CCDC6: variants seen among roughly 807,000 people sequenced by gnomAD.
CCDC6 encodes the protein coiled-coil domain-containing protein 6.
In CCDC6, 20 loss-of-function variants were observed where a neutral mutation model predicts 56.6. That is an observed-to-expected ratio of 0.35 (90% CI 0.25 to 0.51). The LOEUF (loss-of-function observed/expected upper bound fraction) is 0.51. CCDC6 is among the 20% of genes least tolerant of loss of function. CCDC6 has a pLI of 0.95. For missense variants in CCDC6, 367 were observed against 601.1 expected (o/e 0.61, Z 4.07); for synonymous variants, 241 against 234.4 (o/e 1.03, Z -0.26).
chr10:59,856,312 A>G (rs1261448541), intron 1 of CCDC6, among the ~76,000 whole-genome samples: 1 of 151,228 alleles, frequency 6.6e-6, no homozygotes, highest in South Asian at 2.1e-4. Flanking sequence ...ACGAGTACAA[A>G]GGGCAAAATG....
intron 7 of CCDC6, among the ~76,000 whole-genome samples, chr10:59,802,704 C>T (rs1218030910): frequency 6.6e-6 from 1 of 152,182 alleles, no homozygotes; most frequent in Non-Finnish European, 1.5e-5. Context: ...GTAGGTCCCA[C>T]TATGGGAACA....
At chr10:59,852,976 A>G (rs1211957607) in intron 1 of CCDC6, among the ~76,000 whole-genome samples, 1 of 152,230 alleles carries the variant, frequency 6.6e-6, no homozygotes, top group Non-Finnish European at 1.5e-5. Flanking sequence ...AGCCAAGATC[A>G]CATTGCAGTT....
chr10:59,792,935 G>A lies in CCDC6; in HGVS notation c.1407C>T (p.His469=). 1 of 1,610,040 alleles carries A rather than the reference G, an allele frequency of 6.2e-7. No homozygotes were observed. Among genetic ancestry groups the A allele is most frequent in the Non-Finnish European group, 8.5e-7 (1 of 1,177,836 alleles). The change falls in exon 9 of 9, where the codon CAC becomes CAT. Residue 469 remains histidine (H), a synonymous_variant. Transcript: ENST00000263102. ...SQPTPSQHSA[H]PSSQP is the part of the protein sequence containing the mutation. The stretch of plus-strand genomic sequence containing the variant: ...TCATGCATTAAGGCTGGGAGGAGGG[G>A]TGCGCCGAATGTTGCGAAGGAGTAG...
intron 2 of CCDC6, among the ~76,000 whole-genome samples, chr10:59,850,513 C>A (rs2132655325): frequency 6.6e-6 from 1 of 152,288 alleles, no homozygotes; most frequent in East Asian, 1.9e-4. Flanking sequence ...CAGAATCACA[C>A]CTTCATACTA....
intron 3 of CCDC6, among the ~76,000 whole-genome samples, chr10:59,818,238 T>C (rs1261910901): frequency 6.6e-6 from 1 of 151,994 alleles, no homozygotes; most frequent in Non-Finnish European, 1.5e-5. Context: ...ACAGACGAGA[T>C]CAGGAAACAT....
In CCDC6 at chr10:59,790,967, C is replaced by G. The variant is rs921937639; in HGVS notation, c.*1950G>C. On this transcript the variant is annotated 3_prime_UTR_variant, in exon 9 of 9. Coordinates refer to ENST00000263102, the MANE Select transcript of CCDC6 (RefSeq NM_005436.5). ...ATAAAAGATTCTTATAAACATATAC[C>G]ATATTTCTCCTATAAGAAAAACTGA... is the stretch of plus-strand genomic sequence containing the variant. The G allele has an allele frequency of 3.5e-5, 7 of 202,604 alleles. No homozygotes were observed. The highest frequency in any genetic ancestry group is 2.4e-4 in the Admixed American group (4 of 16,694). 12.6% of individuals were successfully genotyped at this position (202,604 alleles called of 1,614,324 possible).
At chr10:59,878,656 A>C (rs970952077) in intron 1 of CCDC6, among the ~76,000 whole-genome samples, 2 of 152,208 alleles carry the variant, frequency 1.3e-5, no homozygotes, top group African/African-American at 4.8e-5. Flanking sequence ...TCAGGAGTCT[A>C]AGGTGACCCA....
At chr10:59,826,178 A>G (rs1331768756) in intron 3 of CCDC6, among the ~76,000 whole-genome samples, 2 of 152,164 alleles carry the variant, frequency 1.3e-5, no homozygotes, top group African/African-American at 4.8e-5. Flanking sequence ...TAAACCCTCA[A>G]GTACACCACA....
intron 1 of CCDC6, among the ~76,000 whole-genome samples, chr10:59,880,760 A>G (rs987488695): frequency 1.3e-5 from 2 of 152,200 alleles, no homozygotes; most frequent in South Asian, 2.1e-4. Context: ...CAGTTCCTTA[A>G]CCTCTCTGAG....
Position 59,832,428 on chromosome 10 carries a change from C to T in CCDC6, c.582+97G>A, listed in dbSNP as rs116847357. 2.8e-4 allele frequency: 330 copies of T among 1,198,394 alleles called. 3 individuals are homozygous for T. The East Asian group carries it at 7.5e-3, about 27-fold the overall frequency. 74.2% of individuals were successfully genotyped at this position (1,198,394 alleles called of 1,614,324 possible). On this transcript the variant is annotated intron_variant, in intron 3 of 8. Transcript: ENST00000263102. ...CACAGTGGGGAGAGAAAGCTGAAAACTACTTTTCACTTAAATTCCTCCAGG... is the reference window on the plus strand; with the variant it reads ...CACAGTGGGGAGAGAAAGCTGAAAATTACTTTTCACTTAAATTCCTCCAGG...
intron 8 of CCDC6, 150 bp from the exon 9 acceptor site, chr10:59,793,261 G>T: frequency 3.1e-6 from 2 of 637,580 alleles, no homozygotes; most frequent in Non-Finnish European, 5.5e-6. Flanking sequence ...ACTGGTTTCT[G>T]AACTAGTAAT....
chr10:59,827,606 C>A (rs2070799017), intron 3 of CCDC6, among the ~76,000 whole-genome samples: 1 of 152,134 alleles, frequency 6.6e-6, no homozygotes. Context: ...AGGGAAGTTT[C>A]CCTAAACTAC....
At chr10:59,873,852 T>C (rs78970969) in intron 1 of CCDC6, among the ~76,000 whole-genome samples, 2,186 of 152,310 alleles carry the variant, frequency 0.014, 59 homozygotes, top group African/African-American at 0.05. Flanking sequence ...AACACATATG[T>C]AGCTTTTAAA....
chr10:59,902,201 G>A (rs940616591), intron 1 of CCDC6, among the ~76,000 whole-genome samples: 8 of 152,044 alleles, frequency 5.3e-5, no homozygotes, highest in Admixed American at 2.0e-4. Flanking sequence ...GAAACTAGTC[G>A]TTCATTAAAT....
intron 7 of CCDC6, 63 bp downstream of exon 7, chr10:59,804,357 T>G (rs757584664): frequency 3.3e-6 from 3 of 921,594 alleles, no homozygotes; most frequent in African/African-American, 1.6e-5. Context: ...GGGAACACAG[T>G]CAGGGTTGCC....
Position 59,809,420 on chromosome 10 carries a change from G to A in CCDC6, c.848-2342C>T, listed in dbSNP as rs1333066911. 3.9e-5 allele frequency among the ~76,000 whole-genome samples: 6 copies of A among 152,136 alleles called. No individual in the cohort carries two copies. In the South Asian group the frequency reaches 1.2e-3, roughly 32 times the overall value. On this transcript the variant is annotated intron_variant, in intron 5 of 8. Coordinates refer to ENST00000263102, the MANE Select transcript of CCDC6 (RefSeq NM_005436.5). ...GATAAGAATGTCCCCTGCAGTGATC[G>A]GCTGGGAAGACTTCCTGGCAGTTCA...
chr10:59,836,974 G>C (rs190061806), intron 2 of CCDC6, among the ~76,000 whole-genome samples: 1 of 152,292 alleles, frequency 6.6e-6, no homozygotes, highest in African/African-American at 2.4e-5. Context: ...GCATTTTCTT[G>C]TATCATCCAC....
At chr10:59,878,127 AAGT>A (rs1177543011) in intron 1 of CCDC6, among the ~76,000 whole-genome samples, 2 of 152,334 alleles carry the variant, frequency 1.3e-5, no homozygotes, top group Non-Finnish European at 2.9e-5. Context: ...AAGGAATAAG[AAGT>A]TACTAAAGTT....
At position 59,852,454 on chromosome 10, in the gene CCDC6, T is replaced by C. The variant is rs1255650847; in HGVS notation, c.453+99A>G. ...TCTCCAAAGAACTTAAGCTACAACC[T>C]CATCAGCAAATGTTACAAGCAAAGT... On this transcript the variant is annotated intron_variant, in intron 2 of 8. Transcript: ENST00000263102. 4 of 966,086 alleles carry C rather than the reference T, an allele frequency of 4.1e-6. 1 individual carries two copies. In the Admixed American group the frequency reaches 1.1e-4, roughly 27 times the overall value. 59.8% of individuals were successfully genotyped at this position (966,086 alleles called of 1,614,324 possible). A position where few individuals can be genotyped will look rare whatever the true frequency, so the allele number is the denominator to read the frequency against.
Sources: allele counts gnomAD v4.1 joint callset (sites outside exome capture counted in the v4.1 genomes callset), GRCh38; gene constraint gnomAD v4.1.1; transcripts MANE v1.5; gene names NCBI Gene and HGNC (gene_info 2026-07-23, HGNC 2026-07-21).